Variants in KANK2 observed in about 807,000 individuals in gnomAD.
KANK2 encodes the protein KN motif and ankyrin repeat domain-containing protein 2.
A neutral mutation model predicts 74.6 loss-of-function variants in KANK2; 41 were observed. The ratio of observed to expected loss-of-function variants is 0.55; its 90% confidence interval spans 0.43 to 0.71. KANK2 has a LOEUF of 0.71. Among genes scored for constraint, KANK2 ranks in the 30% least tolerant of loss-of-function variants. KANK2 has a pLI of 0.00. For synonymous variants in KANK2, 537 were observed against 519.0 expected (o/e 1.03, Z -0.47); for missense variants, 1,148 against 1,196.4 (o/e 0.96, Z 0.60).
Position 11,173,125 on chromosome 19 carries a change from TAA to T in KANK2, c.2069-4_2069-3del, listed in dbSNP as rs1345930220. On this transcript the variant is annotated splice_region_variant and splice_polypyrimidine_tract_variant and intron_variant, in intron 9 of 12. Transcript: ENST00000586659. ...TCTGTTTGTCCACCTTGCAGACACCTAAGAGACATGGTGTGAACCCTCAGACC... is the reference window on the plus strand; with the variant it reads ...TCTGTTTGTCCACCTTGCAGACACCTGAGACATGGTGTGAACCCTCAGACC... 22 of 1,612,022 alleles carry T rather than the reference TAA, an allele frequency of 1.4e-5. No homozygotes were observed. Among genetic ancestry groups the T allele is most frequent in the Non-Finnish European group, 1.9e-5 (22 of 1,179,020 alleles).
At position 11,175,884 on chromosome 19, in the gene KANK2, C is replaced by A; in HGVS notation, c.1848+18G>T. ...GGGTCCGGGGGGTGGCCAACCTAGGCCCAGGGCCAGATCGTACCAGCTCCC... is the reference window on the plus strand; with the variant it reads ...GGGTCCGGGGGGTGGCCAACCTAGGACCAGGGCCAGATCGTACCAGCTCCC... On this transcript the variant is annotated intron_variant, in intron 8 of 12. Coordinates refer to ENST00000586659, the MANE Select transcript of KANK2 (RefSeq NM_001136191.3). 1 of 1,609,042 alleles carries A rather than the reference C, an allele frequency of 6.2e-7. No individual in the cohort carries two copies. Among genetic ancestry groups the A allele is most frequent in the Admixed American group, 1.7e-5 (1 of 59,816 alleles).
At position 11,166,548 on chromosome 19, in the gene KANK2, T is replaced by C. The variant is rs1375079226; in HGVS notation, c.*10A>G. The C allele has an allele frequency of 4.3e-6, 7 of 1,613,642 alleles. No individual in the cohort carries two copies. Among genetic ancestry groups the C allele is most frequent in the Non-Finnish European group, 5.9e-6 (7 of 1,179,550 alleles). The stretch of plus-strand genomic sequence containing the variant: ...GCTCCCGGTCTGGCTGGTCCCCGCC[T>C]CCCTCACGGCTACTCTTCTGCCGAG... On this transcript the variant is annotated 3_prime_UTR_variant, in exon 13 of 13. Coordinates refer to ENST00000586659, the MANE Select transcript of KANK2 (RefSeq NM_001136191.3).
chr19:11,173,148 A>T (rs775048871), intron 9 of KANK2, 25 bp from the exon 10 acceptor site: 1 of 1,600,728 alleles, frequency 6.2e-7, no homozygotes, highest in African/African-American at 1.3e-5. Context: ...GTGAACCCTC[A>T]GACCAGGGAT....
rs1243973408 is a variant in KANK2 at position 11,184,704 on chromosome 19, CT to C, written c.1250-5985del. On this transcript the variant is annotated intron_variant, in intron 4 of 12. Transcript: ENST00000586659. ...TTTTTTGAGACAGGGCAAGACTCTA[CT>C]TTTTTTTTAATGTGAAAAAAAAAAA... is the stretch of plus-strand genomic sequence containing the variant. Among the ~76,000 whole-genome samples, 14 of 133,546 alleles carry C rather than the reference CT, an allele frequency of 1.0e-4. 1 individual carries two copies. The highest frequency in any genetic ancestry group is 2.6e-4 in the South Asian group (1 of 3,814). The allele number at this position is 133,546 out of a possible 152,430, so 87.6% of individuals were successfully genotyped here. A position where few individuals can be genotyped will look rare whatever the true frequency, so the allele number is the denominator to read the frequency against.
intron 9 of KANK2, 117 bp downstream of exon 9, chr19:11,174,356 C>T (rs1214872969): frequency 1.3e-5 from 11 of 816,904 alleles, no homozygotes; most frequent in African/African-American, 3.4e-5. Flanking sequence ...CTGAGAAGGC[C>T]GCGTCTCCTC....
chr19:11,176,489 G>C, intron 7 of KANK2, 89 bp downstream of exon 7: 1 of 1,396,438 alleles, frequency 7.2e-7, no homozygotes, highest in Non-Finnish European at 9.7e-7. Flanking sequence ...TGATAGGAGG[G>C]TCCTTCAAAG....
intron 4 of KANK2, among the ~76,000 whole-genome samples, chr19:11,191,797 C>T (rs2078854711): frequency 6.6e-6 from 1 of 152,200 alleles, no homozygotes; most frequent in Non-Finnish European, 1.5e-5. Context: ...GTGGCTCATG[C>T]TTGTAATCCC....
In KANK2 at chr19:11,164,690, T is replaced by C. The variant is rs1271600129; in HGVS notation, c.*1868A>G. 6.6e-6 allele frequency: 1 copy of C among 151,952 alleles called. No individual in the cohort carries two copies. The highest frequency in any genetic ancestry group is 2.4e-5 in the African/African-American group (1 of 41,318). 9.4% of individuals were successfully genotyped at this position (151,952 alleles called of 1,614,324 possible). ...GGTTTTGTTTTCTCTGCAATTTACA[T>C]GCAAACACCATCTATCTATTCATCC... On this transcript the variant is annotated 3_prime_UTR_variant, in exon 13 of 13. Coordinates refer to ENST00000586659, the MANE Select transcript of KANK2 (RefSeq NM_001136191.3).
At chr19:11,182,271 A>T (rs1350762137) in intron 4 of KANK2, among the ~76,000 whole-genome samples, 1 of 151,862 alleles carries the variant, frequency 6.6e-6, no homozygotes, top group Non-Finnish European at 1.5e-5. Flanking sequence ...ATGGCGAAAA[A>T]ATTTGAGAGG....
chr19:11,179,984 C>T (rs2078466310), intron 4 of KANK2, among the ~76,000 whole-genome samples: 1 of 152,200 alleles, frequency 6.6e-6, no homozygotes. Flanking sequence ...CCTCAGCCCC[C>T]TGAGCGGCAG....
At chr19:11,167,460 C>T (rs1230655446) in intron 12 of KANK2, among the ~76,000 whole-genome samples, 3 of 151,828 alleles carry the variant, frequency 2.0e-5, no homozygotes, top group African/African-American at 7.3e-5. Flanking sequence ...ACTATCTGGG[C>T]TCAAGCAATC....
At chr19:11,168,212 C>T (rs1490052135) in intron 12 of KANK2, among the ~76,000 whole-genome samples, 1 of 151,924 alleles carries the variant, frequency 6.6e-6, no homozygotes, top group African/African-American at 2.4e-5. Flanking sequence ...CCATGTTGGC[C>T]AGCCTGGTCT....
chr19:11,176,911 G>T, intron 6 of KANK2, 94 bp from the exon 7 acceptor site: 1 of 1,396,326 alleles, frequency 7.2e-7, no homozygotes, highest in African/African-American at 1.4e-5. Flanking sequence ...GACCTCTGTG[G>T]GCCTCAGCTT....
At position 11,166,440 on chromosome 19, in the gene KANK2, T is replaced by G; in HGVS notation, c.*118A>C. On this transcript the variant is annotated 3_prime_UTR_variant, in exon 13 of 13. Coordinates refer to ENST00000586659, the MANE Select transcript of KANK2 (RefSeq NM_001136191.3). ...AGCAGAGGGAGAGCTCGCTTGCCTTTGAGCCGTGGGCCTTGGGGAGTGTGA... is the reference window on the plus strand; with the variant it reads ...AGCAGAGGGAGAGCTCGCTTGCCTTGGAGCCGTGGGCCTTGGGGAGTGTGA... 1 of 919,096 alleles carries G rather than the reference T, an allele frequency of 1.1e-6. No individual in the cohort carries two copies. The highest frequency in any genetic ancestry group is 1.4e-5 in the South Asian group (1 of 69,220). The allele number at this position is 919,096 out of a possible 1,614,324, so 56.9% of individuals were successfully genotyped here. A position where few individuals can be genotyped will look rare whatever the true frequency, so the allele number is the denominator to read the frequency against.
In KANK2 at chr19:11,193,479, G is replaced by A; in HGVS notation, c.601C>T (p.Gln201Ter). 6.2e-7 allele frequency: 1 copy of A among 1,611,392 alleles called. No homozygotes were observed. Among genetic ancestry groups the A allele is most frequent in the Non-Finnish European group, 8.5e-7 (1 of 1,179,926 alleles). Residue 201 changes from glutamine (Q) to a stop codon, truncating the protein, a stop_gained, in exon 4 of 13, where the codon CAG becomes TAG. Transcript: ENST00000586659. LOFTEE classifies it high-confidence loss of function. This position sits in a 1 kb window ranked among gnomAD's most constrained non-coding sequence, Gnocchi z 9.6. ...QMAGALRKLR[Q>*]LEEQVKLIPV... Reference sequence around the variant, plus strand: ...ATCAGCTTCACCTGCTCCTCCAGCTGCCGCAGCTTCCGCAGGGCACCCGCC... The same window carrying A: ...ATCAGCTTCACCTGCTCCTCCAGCTACCGCAGCTTCCGCAGGGCACCCGCC...
At chr19:11,192,585 G>T in intron 4 of KANK2, 1 of 440,520 alleles carries the variant, frequency 2.3e-6, no homozygotes, top group East Asian at 5.2e-5. Flanking sequence ...ACAGGCGCAC[G>T]CCACCACACC....
At chr19:11,177,835 G>C (rs1964718175) in intron 6 of KANK2, among the ~76,000 whole-genome samples, 1 of 152,028 alleles carries the variant, frequency 6.6e-6, no homozygotes, top group African/African-American at 2.4e-5. Flanking sequence ...TCCCACCTCT[G>C]AGCCTTTACC....
chr19:11,168,716 T>A (rs1001714868), intron 12 of KANK2, among the ~76,000 whole-genome samples: 2 of 152,006 alleles, frequency 1.3e-5, no homozygotes, highest in Non-Finnish European at 2.9e-5. Context: ...TTCAAATGAG[T>A]GAATGGTGAC....
chr19:11,171,528 C>CT (rs113234764), intron 10 of KANK2, among the ~76,000 whole-genome samples: 6,155 of 76,692 alleles, frequency 0.08, 466 homozygotes, highest in African/African-American at 0.23. Context: ...ATTTCACCTT[C>CT]TTTTTTTTTT....
Sources: gnomAD v4.1 joint callset for allele counts (sites outside exome capture counted in the v4.1 genomes callset) on GRCh38, gnomAD v4.1.1 for gene constraint, Gnocchi (gnomAD v3.1) non-coding constraint, MANE v1.5 for transcripts, NCBI Gene and HGNC (gene_info 2026-07-23, HGNC 2026-07-21) for gene names.